The following GLRA2 variants were observed in gnomAD, a reference collection of about 807,000 sequenced individuals.
GLRA2 encodes the protein glycine receptor alpha 2.
In GLRA2, 11 loss-of-function variants were observed where a neutral mutation model predicts 31.6. The observed-to-expected ratio is 0.35, with a 90% confidence interval of 0.22 to 0.58. The LOEUF is 0.58. Ranked by LOEUF, GLRA2 falls within the 20% of genes least tolerant of loss-of-function variation. The pLI, the probability that GLRA2 is intolerant of heterozygous loss-of-function variation, is 0.84. For missense variants in GLRA2, 212 were observed against 351.8 expected, an observed-to-expected ratio of 0.60 and a Z score of 3.18; for synonymous variants, 132 against 134.0, an observed-to-expected ratio of 0.99 and a Z score of 0.10.
chrX:14,558,302 T>C (rs762960224), intron 2 of GLRA2, among the ~76,000 whole-genome samples: 6 of 112,362 alleles, frequency 5.3e-5, no homozygotes, highest in African/African-American at 1.9e-4. Context: ...ACATTATTAC[T>C]AATTATCACA....
the GLRA2 span, among the ~76,000 whole-genome samples, chrX:14,460,477 A>G: frequency 8.9e-6 from 1 of 111,920 alleles, no homozygotes; most frequent in African/African-American, 3.3e-5. Flanking sequence ...CTCTGGTAGA[A>G]TTTGGCTGTG....
chrX:14,703,246 T>C (rs1308313765), intron 8 of GLRA2, among the ~76,000 whole-genome samples: 1 of 111,847 alleles, frequency 8.9e-6, no homozygotes, highest in African/African-American at 3.3e-5. Context: ...GAGGCCATCT[T>C]TGGCTCATTT....
At chrX:14,493,894 T>A in the GLRA2 span, among the ~76,000 whole-genome samples, 1 of 108,314 alleles carries the variant, frequency 9.2e-6, no homozygotes, top group Non-Finnish European at 1.9e-5. Context: ...TGAAAATGTT[T>A]ACAGTAATAT....
chrX:14,456,197 T>C, the GLRA2 span, among the ~76,000 whole-genome samples: 3 of 111,595 alleles, frequency 2.7e-5, no homozygotes. Flanking sequence ...TCATATTTAA[T>C]AATTTTTCTT....
chrX:14,669,706 C>T (rs112297490), intron 7 of GLRA2, among the ~76,000 whole-genome samples: 2,943 of 111,634 alleles, frequency 0.026, 67 homozygotes, highest in African/African-American at 0.077. Context: ...TCACCAAGTC[C>T]CAAGGCTGCA....
chrX:14,600,647 A>G (rs1416634690), intron 4 of GLRA2, among the ~76,000 whole-genome samples: 1 of 111,119 alleles, frequency 9.0e-6, no homozygotes, highest in Non-Finnish European at 1.9e-5. Flanking sequence ...GCAAATTAGC[A>G]TATCCATTCC....
At chrX:14,604,479 A>T in intron 5 of GLRA2, 82 bp downstream of exon 5, 1 of 586,942 alleles carries the variant, frequency 1.7e-6, no homozygotes, top group Non-Finnish European at 2.8e-6. Flanking sequence ...AAGAGAAAGG[A>T]CCCTTACAAC....
At chrX:14,519,011 CA>C in the GLRA2 span, among the ~76,000 whole-genome samples, 532 of 27,244 alleles carry the variant, frequency 0.02, no homozygotes, top group South Asian at 0.026. Context: ...GACTCGGTCT[CA>C]AAAAAAAAAA....
chrX:14,633,904 A>G (rs757133940), intron 7 of GLRA2, among the ~76,000 whole-genome samples: 1 of 111,618 alleles, frequency 9.0e-6, no homozygotes, highest in African/African-American at 3.3e-5. Context: ...CACCCAACAC[A>G]TGGGGATTAC....
At chrX:14,546,093 C>T (rs892008131) in intron 2 of GLRA2, among the ~76,000 whole-genome samples, 3 of 111,345 alleles carry the variant, frequency 2.7e-5, no homozygotes, top group African/African-American at 9.8e-5. Flanking sequence ...GGTTGCCATA[C>T]TATTCAGTAT....
At chrX:14,464,574 C>T in the GLRA2 span, among the ~76,000 whole-genome samples, 2,545 of 109,417 alleles carry the variant, frequency 0.023, 65 homozygotes, top group African/African-American at 0.08. Context: ...TATTTATTTT[C>T]GAGACGAAGT....
At chrX:14,709,078 C>T (rs1372706435) in intron 8 of GLRA2, among the ~76,000 whole-genome samples, 1 of 111,321 alleles carries the variant, frequency 9.0e-6, no homozygotes, top group Middle Eastern at 4.6e-3. Flanking sequence ...TCTTTGAAAA[C>T]GAAAGGGAGA....
At chrX:14,571,125 T>C (rs1178327990) in intron 2 of GLRA2, among the ~76,000 whole-genome samples, 1 of 111,956 alleles carries the variant, frequency 8.9e-6, no homozygotes, top group Non-Finnish European at 1.9e-5. Flanking sequence ...GATAGTGCCA[T>C]GAAAAACTAG....
At chrX:14,509,363 A>G in the GLRA2 span, among the ~76,000 whole-genome samples, 2 of 112,891 alleles carry the variant, frequency 1.8e-5, no homozygotes, top group Admixed American at 1.9e-4. Context: ...AGAACTAACA[A>G]CAGTGTTTAG....
At chrX:14,587,660 T>C (rs1032403439) in intron 4 of GLRA2, among the ~76,000 whole-genome samples, 5 of 112,038 alleles carry the variant, frequency 4.5e-5, no homozygotes, top group African/African-American at 1.6e-4. Flanking sequence ...ATTGATTGGC[T>C]TAAGTTCCCT....
chrX:14,465,499 T>C, the GLRA2 span, among the ~76,000 whole-genome samples: 32 of 112,495 alleles, frequency 2.8e-4, no homozygotes, highest in African/African-American at 9.4e-4. Flanking sequence ...ATGAAGCTAT[T>C]GGCACATAAT....
intron 8 of GLRA2, among the ~76,000 whole-genome samples, chrX:14,719,792 CAACATACATATCCATCAACAGAT>C (rs2091840621): frequency 8.9e-6 from 1 of 111,890 alleles, no homozygotes; most frequent in Non-Finnish European, 1.9e-5. Flanking sequence ...GACATAAAAT[CAACATACATATCCATCAACAGAT>C]AAATGGATAA....
intron 7 of GLRA2, among the ~76,000 whole-genome samples, chrX:14,629,962 G>A (rs1313615867): frequency 9.0e-6 from 1 of 111,342 alleles, no homozygotes; most frequent in East Asian, 2.8e-4. Context: ...TGTCTAAACA[G>A]CCAATTATCT....
intron 7 of GLRA2, among the ~76,000 whole-genome samples, chrX:14,637,155 T>C (rs928536662): frequency 4.5e-5 from 5 of 112,223 alleles, no homozygotes; most frequent in Non-Finnish European, 9.4e-5. Flanking sequence ...AGGCAGGAGT[T>C]CACTTCTGAT....
Sources: gnomAD v4.1 joint callset for allele counts (sites outside exome capture counted in the v4.1 genomes callset) on GRCh38, gnomAD v4.1.1 for gene constraint, MANE v1.5 for transcripts, NCBI Gene and HGNC (gene_info 2026-07-23, HGNC 2026-07-21) for gene names.